GFM2: variants seen among roughly 807,000 people sequenced by gnomAD.
The protein encoded by GFM2 is GTP dependent ribosome recycling factor mitochondrial 2, also known as ribosome-releasing factor 2, mitochondrial.
In GFM2, 72 loss-of-function variants were observed where a neutral mutation model predicts 95.4. The observed-to-expected ratio is 0.76, with a 90% CI of 0.62 to 0.92. GFM2 has a LOEUF of 0.92. Among genes scored for constraint, GFM2 ranks in the 40% least tolerant of loss-of-function variants. The pLI is 0.00. For synonymous variants in GFM2, 276 were observed against 317.5 expected (o/e 0.87, Z 1.39); for missense variants, 825 against 924.1 (o/e 0.89, Z 1.39).
rs1750114343 is a variant in GFM2, at chr5:74,725,727, A to G, written c.1941T>C (p.Asp647=). 6.2e-7 allele frequency: 1 copy of G among 1,613,614 alleles called. No individual in the cohort carries two copies. Among genetic ancestry groups the G allele is most frequent in the Admixed American group, 1.7e-5 (1 of 59,970 alleles). ...QGPLLGSPIQ[D]VAITLHSLTI... ...TCAGGGAATGTAAAGTAATTGCTACATCCTGAATTGGGGATCCAAGCAATG... is the reference window on the plus strand; with the variant it reads ...TCAGGGAATGTAAAGTAATTGCTACGTCCTGAATTGGGGATCCAAGCAATG... Residue 647 remains aspartate, a synonymous_variant, in exon 19 of 21, where the codon GAT becomes GAC. Transcript: ENST00000296805.
chr5:74,725,471 T>G (rs1222859569), intron 19 of GFM2, among the ~76,000 whole-genome samples, 169 bp downstream of exon 19: 1 of 152,164 alleles, frequency 6.6e-6, no homozygotes, highest in Non-Finnish European at 1.5e-5. Context: ...AATAAAAACC[T>G]GGTGATTAAG....
chr5:74,738,398 G>A lies in GFM2; in HGVS notation c.1240C>T (p.Leu414Phe), dbSNP rs765432280. The A allele has an allele frequency of 2.5e-6, 4 of 1,613,562 alleles. No individual in the cohort carries two copies. In the South Asian group the frequency reaches 4.4e-5, roughly 18 times the overall value. ...GNCTERISRL[L>F]LPFADQHVEI... The stretch of plus-strand genomic sequence containing the variant: ...ACATGTTGGTCAGCAAACGGCAAAA[G>A]CAGACGACTTATTCTCTCCCTGTAA... Residue 414 changes from leucine to phenylalanine, a missense_variant, in exon 14 of 21, where the codon CTT (leucine) becomes TTT (phenylalanine). Transcript: ENST00000296805.
At chr5:74,741,978 G>A (rs1474250686) in intron 10 of GFM2, 1 of 155,722 alleles carries the variant, frequency 6.4e-6, no homozygotes, top group Non-Finnish European at 1.4e-5. Context: ...TTATAAAAAA[G>A]TTTCATCTGG....
intron 14 of GFM2, 110 bp from the exon 15 acceptor site, chr5:74,737,095 G>A (rs1224978368): frequency 4.2e-5 from 39 of 920,972 alleles, no homozygotes; most frequent in Non-Finnish European, 6.1e-5. Context: ...CTTTTCATCA[G>A]AACTTAAAAG....
intron 1 of GFM2, chr5:74,765,015 A>G: frequency 2.0e-6 from 1 of 511,864 alleles, no homozygotes; most frequent in Non-Finnish European, 3.1e-6. Flanking sequence ...TGAACTCCTG[A>G]CCTCAAGTGA....
At chr5:74,737,078 G>T in intron 14 of GFM2, 93 bp from the exon 15 acceptor site, 1 of 1,163,558 alleles carries the variant, frequency 8.6e-7, no homozygotes, top group Non-Finnish European at 1.2e-6. Context: ...CTTTTTTGTG[G>T]CCCTTTCTTT....
rs869320704 is a variant in GFM2 at position 74,722,562 on chromosome 5, C to T, written c.2029-1G>A. ...CTTGCTTATCAGCTTTCTTCAGAGC[C>T]TAAAGAAATTAAAGAATGTTAACTT... is the stretch of plus-strand genomic sequence containing the variant. On this transcript the variant is annotated splice_acceptor_variant, in intron 19 of 20. Transcript: ENST00000296805. LOFTEE classifies it high-confidence loss of function. 4 of 1,603,360 alleles carry T rather than the reference C, an allele frequency of 2.5e-6. No homozygotes were observed. In the East Asian group the frequency reaches 8.9e-5, roughly 36 times the overall value.
Position 74,725,980 on chromosome 5 carries a change from C to G in GFM2, c.1873G>C (p.Glu625Gln). ...INEGLLKVSQ[E>Q]AIENGIHSAC... ...CTGTGAATTCCATTTTCAATGGCCT[C>G]TTGGGAGACCTTCAAAAGGCCTTCA... The change falls in exon 18 of 21, where the codon GAG (glutamate) becomes CAG (glutamine). Residue 625 changes from glutamate (E) to glutamine (Q), a missense_variant. By Grantham distance (29) the Glu-to-Gln change is conservative. Transcript: ENST00000296805. 6.2e-7 allele frequency: 1 copy of G among 1,612,780 alleles called. No individual in the cohort carries two copies. Among genetic ancestry groups the G allele is most frequent in the Non-Finnish European group, 8.5e-7 (1 of 1,179,640 alleles).
At chr5:74,752,859 A>C (rs1171178420) in intron 5 of GFM2, among the ~76,000 whole-genome samples, 1 of 152,216 alleles carries the variant, frequency 6.6e-6, no homozygotes, top group Non-Finnish European at 1.5e-5. Flanking sequence ...GGGAAGGAGG[A>C]GAGCCCCACA....
chr5:74,729,794 T>C (rs1204984454), intron 17 of GFM2, among the ~76,000 whole-genome samples: 2 of 151,986 alleles, frequency 1.3e-5, no homozygotes, highest in Admixed American at 6.6e-5. Flanking sequence ...ATTAAAATCA[T>C]ATGCAGAAAA....
chr5:74,731,169 C>T (rs1233525638), intron 16 of GFM2, among the ~76,000 whole-genome samples: 1 of 152,200 alleles, frequency 6.6e-6, no homozygotes, highest in Non-Finnish European at 1.5e-5. Context: ...AGAATGAGGG[C>T]TATACCTTGT....
intron 16 of GFM2, 162 bp from the exon 17 acceptor site, chr5:74,730,560 A>G: frequency 4.5e-6 from 2 of 444,618 alleles, no homozygotes; most frequent in Non-Finnish European, 7.8e-6. Context: ...ATTGCTTTTG[A>G]CTTTTCTGAC....
rs183887871 is a variant in GFM2, at chr5:74,754,507, G to A, written c.305-3014C>T. On this transcript the variant is annotated intron_variant, in intron 5 of 20. Transcript: ENST00000296805. ...AAGACTCAAATAAACTTAAGGTAAA[G>A]GGGGGAAAAAGATACCCCATGCTAA... Among the ~76,000 whole-genome samples the A allele has an allele frequency of 5.3e-5, 8 of 152,132 alleles. No homozygotes were observed. In the East Asian group the frequency reaches 1.4e-3, roughly 26 times the overall value.
chr5:74,729,041 C>T (rs1454188243), intron 17 of GFM2, among the ~76,000 whole-genome samples: 1 of 152,050 alleles, frequency 6.6e-6, no homozygotes, highest in Non-Finnish European at 1.5e-5. Context: ...CGTGAGCCAC[C>T]AGACCTGGCC....
chr5:74,755,532 A>G (rs1395375125), intron 5 of GFM2, among the ~76,000 whole-genome samples: 1 of 152,202 alleles, frequency 6.6e-6, no homozygotes, highest in Non-Finnish European at 1.5e-5. Context: ...ATTAGAAACA[A>G]AACAGGAGAT....
In GFM2 at chr5:74,721,278, T is replaced by TATTG. The variant is rs771215231; in HGVS notation, c.*373_*376dup. On this transcript the variant is annotated 3_prime_UTR_variant, in exon 21 of 21. Coordinates refer to ENST00000296805, the MANE Select transcript of GFM2 (RefSeq NM_032380.5). Reference sequence around the variant, plus strand: ...GACTGTTTTTTGAATAAAATATTTTTATTGATTGAACCTTTGACCCTCTAT... The same window carrying TATTG: ...GACTGTTTTTTGAATAAAATATTTTTATTGATTGATTGAACCTTTGACCCTCTAT... 53 of 978,306 alleles carry TATTG rather than the reference T, an allele frequency of 5.4e-5. No individual in the cohort carries two copies. The South Asian group carries it at 5.8e-4, about 11-fold the overall frequency. 60.6% of individuals were successfully genotyped at this position (978,306 alleles called of 1,614,324 possible).
intron 5 of GFM2, among the ~76,000 whole-genome samples, chr5:74,752,248 T>C (rs1743755418): frequency 6.6e-6 from 1 of 152,206 alleles, no homozygotes; most frequent in Non-Finnish European, 1.5e-5. Flanking sequence ...AATTCTGTAG[T>C]TGAATTAAGC....
At chr5:74,763,595 A>C (rs768339052) in intron 2 of GFM2, 85 bp downstream of exon 2, 276 of 697,806 alleles carry the variant, frequency 4.0e-4, no homozygotes, top group Non-Finnish European at 5.5e-4. Context: ...TTTGGAATCA[A>C]CAGCTGATGA....
At position 74,736,899 on chromosome 5, in the gene GFM2, GT is replaced by G; in HGVS notation, c.1406del (p.His469ProfsTer26). ...GTCTCTCTGCTTCATTGTTTTGTCT[GT>G]GCTTCTTTTCTCCCTCCCGTTCGGC... is the stretch of plus-strand genomic sequence containing the variant. ...RRAEREGEKK[H>X]RQNNEAERLL... On this transcript the variant is annotated frameshift_variant, in exon 15 of 21. Transcript: ENST00000296805. LOFTEE classifies it high-confidence loss of function. The G allele has an allele frequency of 6.2e-7, 1 of 1,613,874 alleles. No homozygotes were observed. Among genetic ancestry groups the G allele is most frequent in the South Asian group, 1.1e-5 (1 of 91,070 alleles).
Sources: allele counts gnomAD v4.1 joint callset (sites outside exome capture counted in the v4.1 genomes callset), GRCh38; gene constraint gnomAD v4.1.1; transcripts MANE v1.5; gene names NCBI Gene and HGNC (gene_info 2026-07-23, HGNC 2026-07-21).